ADAMTSL1: variants seen among roughly 807,000 people sequenced by gnomAD.
ADAMTSL1 encodes ADAMTS-like protein 1.
In ADAMTSL1, 126 loss-of-function variants were observed where a neutral mutation model predicts 201.8. The ratio of observed to expected loss-of-function variants is 0.62; its 90% CI spans 0.54 to 0.72. ADAMTSL1 has a LOEUF of 0.72. Among genes scored for constraint, ADAMTSL1 ranks in the 30% least tolerant of loss-of-function variants. The pLI is 0.00. For synonymous variants in ADAMTSL1, 1,121 were observed against 903.4 expected (o/e 1.24, Z -4.32); for missense variants, 2,679 against 2,277.8 (o/e 1.18, Z -3.59).
intron 2 of ADAMTSL1, among the ~76,000 whole-genome samples, chr9:18,295,996 T>C (rs1487872158): frequency 6.6e-6 from 1 of 152,222 alleles, no homozygotes; most frequent in African/African-American, 2.4e-5. Flanking sequence ...CTGGTAATGA[T>C]GCAATATAAC....
At chr9:18,630,988 A>G (rs1317254686) in intron 5 of ADAMTSL1, among the ~76,000 whole-genome samples, 1 of 152,146 alleles carries the variant, frequency 6.6e-6, no homozygotes, top group African/African-American at 2.4e-5. Flanking sequence ...TGTGAGTTTG[A>G]TACTGGCTGT....
At chr9:18,061,819 A>G (rs767947132) in intron 1 of ADAMTSL1, among the ~76,000 whole-genome samples, 3 of 152,242 alleles carry the variant, frequency 2.0e-5, no homozygotes, top group Non-Finnish European at 4.4e-5. Flanking sequence ...CATGCAATAG[A>G]TAAAGTGCAT....
At chr9:18,320,784 T>C (rs866163115) in intron 2 of ADAMTSL1, among the ~76,000 whole-genome samples, 1 of 152,164 alleles carries the variant, frequency 6.6e-6, no homozygotes, top group Non-Finnish European at 1.5e-5. Flanking sequence ...ATATTAATTC[T>C]AAATAAACTG....
intron 2 of ADAMTSL1, among the ~76,000 whole-genome samples, chr9:18,290,222 C>A (rs145844870): frequency 6.6e-6 from 1 of 152,084 alleles, no homozygotes; most frequent in African/African-American, 2.4e-5. Flanking sequence ...CATCACCATT[C>A]CCATTAAGTC....
chr9:18,185,789 T>C (rs1279150988), intron 2 of ADAMTSL1, among the ~76,000 whole-genome samples: 1 of 152,198 alleles, frequency 6.6e-6, no homozygotes, highest in African/African-American at 2.4e-5. Flanking sequence ...ACTCCAAGTT[T>C]ACAAGCATTG....
rs368454915 is a variant in ADAMTSL1 at position 18,322,494 on chromosome 9, G to T, written c.207+158513G>T. Among the ~76,000 whole-genome samples the T allele has an allele frequency of 8.4e-4, 128 of 152,174 alleles. 1 individual carries two copies. In the South Asian group the frequency reaches 0.025, roughly 30 times the overall value. The stretch of plus-strand genomic sequence containing the variant: ...CTAAAAGTACAAAAATTAGCCAAAC[G>T]TGGTGGTGGGCACCTAGAATCTCAG... On this transcript the variant is annotated intron_variant, in intron 2 of 29. Transcript: ENST00000680146.
intron 1 of ADAMTSL1, among the ~76,000 whole-genome samples, chr9:18,091,688 G>C (rs376859463): frequency 6.6e-6 from 1 of 152,244 alleles, no homozygotes; most frequent in African/African-American, 2.4e-5. Context: ...AATGAGGATA[G>C]CCATCACAGT....
At chr9:18,815,997 T>C (rs904876433) in intron 20 of ADAMTSL1, among the ~76,000 whole-genome samples, 2 of 152,194 alleles carry the variant, frequency 1.3e-5, no homozygotes, top group African/African-American at 4.8e-5. Flanking sequence ...CATTTCTTTG[T>C]GGTCAGGACA....
chr9:18,095,076 G>C (rs1026335457), intron 1 of ADAMTSL1, among the ~76,000 whole-genome samples: 2 of 152,102 alleles, frequency 1.3e-5, no homozygotes, highest in African/African-American at 4.8e-5. Flanking sequence ...ATAGTTCATG[G>C]ACGCAGCTTA....
At chr9:17,914,536 C>A (rs973985516) in intron 1 of ADAMTSL1, among the ~76,000 whole-genome samples, 10 of 151,784 alleles carry the variant, frequency 6.6e-5, no homozygotes, top group African/African-American at 2.4e-4. Context: ...ATAATAAGAG[C>A]TATCTATGAC....
chr9:18,498,215 G>T (rs1298964689), intron 1 of ADAMTSL1, among the ~76,000 whole-genome samples: 1 of 151,964 alleles, frequency 6.6e-6, no homozygotes, highest in African/African-American at 2.4e-5. Context: ...TGTAGCATGG[G>T]GGTGGGGGCA....
Position 18,219,445 on chromosome 9 carries a change from T to C in ADAMTSL1, c.207+55464T>C, listed in dbSNP as rs1042699356. Among the ~76,000 whole-genome samples, 3 of 152,064 alleles carry C rather than the reference T, an allele frequency of 2.0e-5. No homozygotes were observed. In the East Asian group the frequency reaches 5.8e-4, roughly 29 times the overall value. On this transcript the variant is annotated intron_variant, in intron 2 of 29. Transcript: ENST00000680146. ...GTGCAGTGGCACAACCTCGGCTCAC[T>C]GCAATGTCTGCCTTTCGGGTTCAAG...
chr9:18,314,657 T>C (rs1404689243), intron 2 of ADAMTSL1, among the ~76,000 whole-genome samples: 1 of 151,808 alleles, frequency 6.6e-6, no homozygotes, highest in African/African-American at 2.4e-5. Flanking sequence ...GTGTTACAGC[T>C]CATAAAGGCA....
intron 4 of ADAMTSL1, among the ~76,000 whole-genome samples, chr9:18,595,835 G>T (rs923341629): frequency 6.6e-6 from 1 of 152,176 alleles, no homozygotes; most frequent in Non-Finnish European, 1.5e-5. Context: ...GCTGTTTCTG[G>T]GCTTGAACCC....
chr9:18,076,988 A>G (rs1363677828), intron 1 of ADAMTSL1, among the ~76,000 whole-genome samples: 2 of 152,198 alleles, frequency 1.3e-5, no homozygotes, highest in African/African-American at 4.8e-5. Context: ...AAGATAAAGA[A>G]AAAGGAAGGA....
At chr9:18,318,412 C>T (rs958435747) in intron 2 of ADAMTSL1, among the ~76,000 whole-genome samples, 9 of 152,182 alleles carry the variant, frequency 5.9e-5, no homozygotes, top group Non-Finnish European at 8.8e-5. Flanking sequence ...CTGGGTGCCA[C>T]ACCAGACCCA....
At chr9:18,413,535 A>G (rs1323584794) in intron 2 of ADAMTSL1, among the ~76,000 whole-genome samples, 1 of 152,206 alleles carries the variant, frequency 6.6e-6, no homozygotes, top group Non-Finnish European at 1.5e-5. Context: ...TTTTGCCACC[A>G]GCTCAGCTGT....
intron 4 of ADAMTSL1, among the ~76,000 whole-genome samples, chr9:18,576,292 G>T (rs1434703789): frequency 1.3e-5 from 2 of 152,186 alleles, no homozygotes; most frequent in African/African-American, 2.4e-5. Context: ...AAGAAATTTA[G>T]TTTGGCTGGA....
chr9:18,758,037 G>A (rs1420057686), intron 16 of ADAMTSL1, among the ~76,000 whole-genome samples: 5 of 152,170 alleles, frequency 3.3e-5, no homozygotes, highest in African/African-American at 7.2e-5. Context: ...CATTTTGCAT[G>A]TGAGGAACCT....
Sources: gnomAD v4.1 joint callset for allele counts (sites outside exome capture counted in the v4.1 genomes callset) on GRCh38, gnomAD v4.1.1 for gene constraint, MANE v1.5 for transcripts, NCBI Gene and HGNC (gene_info 2026-07-23, HGNC 2026-07-21) for gene names.